Variants in ERN1 observed in about 807,000 individuals in gnomAD.
ERN1 encodes serine/threonine-protein kinase/endoribonuclease IRE1.
ERN1 carries 39 observed loss-of-function variants against 113.1 expected under a neutral mutation model. The ratio of observed to expected loss-of-function variants is 0.34; its 90% confidence interval spans 0.27 to 0.45. The LOEUF (loss-of-function observed/expected upper bound fraction) is 0.45. ERN1 is among the 20% of genes least tolerant of loss of function. The pLI is 1.00. For missense variants in ERN1, 976 were observed against 1,274.8 expected, an observed-to-expected ratio of 0.77 and a Z score of 3.57; for synonymous variants, 507 against 515.9, an observed-to-expected ratio of 0.98 and a Z score of 0.23.
Position 64,044,869 on chromosome 17 carries a change from C to T in ERN1, c.2712G>A (p.Met904Ile). 6.3e-7 allele frequency: 1 copy of T among 1,586,552 alleles called. No individual in the cohort carries two copies. Among genetic ancestry groups the T allele is most frequent in the African/African-American group, 1.3e-5 (1 of 74,650 alleles). ...GGSVRDLLRAMRNKKHHYREL... is the reference protein window; with the variant it reads ...GGSVRDLLRAIRNKKHHYREL... ...TTTACAAACTGCTTACCTTATTTCT[C>T]ATGGCTCGGAGGAGATCTCTGACAG... Residue 904 changes from methionine (M) to isoleucine (I), a missense_variant, in exon 21 of 22, where the codon ATG becomes ATA. Transcript: ENST00000433197. The surrounding 1 kb of genome is among the most constrained non-coding windows in gnomAD (Gnocchi z 4.1).
intron 1 of ERN1, among the ~76,000 whole-genome samples, chr17:64,118,860 G>C (rs1289417743): frequency 6.6e-6 from 1 of 152,158 alleles, no homozygotes; most frequent in African/African-American, 2.4e-5. Flanking sequence ...AAGGGGAAGG[G>C]AGTGTCACAG....
chr17:64,084,665 T>C (rs1286717555), intron 2 of ERN1, among the ~76,000 whole-genome samples: 1 of 152,238 alleles, frequency 6.6e-6, no homozygotes, highest in Non-Finnish European at 1.5e-5. Flanking sequence ...TAAGCTTCTC[T>C]GTGACTCAAA....
In ERN1 at chr17:64,103,602, C is replaced by T. The variant is rs536683180; in HGVS notation, c.55-5361G>A. 2.0e-5 allele frequency among the ~76,000 whole-genome samples: 3 copies of T among 151,988 alleles called. No individual in the cohort carries two copies. In the South Asian group the frequency reaches 6.2e-4, roughly 32 times the overall value. On this transcript the variant is annotated intron_variant, in intron 1 of 21. Transcript: ENST00000433197. ...ACTACAAAGATACAGAAGTGGCTAT[C>T]AACTGCTTATGCAGAGATGATTGAA...
intron 1 of ERN1, among the ~76,000 whole-genome samples, chr17:64,100,456 G>A (rs534288787): frequency 1.3e-5 from 2 of 152,302 alleles, no homozygotes; most frequent in Non-Finnish European, 2.9e-5. Flanking sequence ...ACAAGAAAGT[G>A]AGTTAAACTC....
At position 64,054,861 on chromosome 17, in the gene ERN1, A is replaced by C; in HGVS notation, c.1673-33T>G. 6.7e-7 allele frequency: 1 copy of C among 1,482,770 alleles called. No individual in the cohort carries two copies. Among genetic ancestry groups the C allele is most frequent in the African/African-American group, 1.4e-5 (1 of 72,396 alleles). The allele number at this position is 1,482,770 out of a possible 1,614,324, so 91.9% of individuals were successfully genotyped here. ...AAAATAGGAAAAAGAGATTGTTTCA[A>C]ACAGATATCACCTAAAGAACCTTGA... On this transcript the variant is annotated intron_variant, in intron 13 of 21. Transcript: ENST00000433197. The surrounding 1 kb of genome is among the most constrained non-coding windows in gnomAD (Gnocchi z 4.9).
intron 1 of ERN1, among the ~76,000 whole-genome samples, chr17:64,118,249 C>A (rs1281441198): frequency 6.6e-6 from 1 of 152,076 alleles, no homozygotes. Flanking sequence ...ACTCATTTGC[C>A]CAAAGTTGCA....
At chr17:64,053,212 C>T in intron 16 of ERN1, 60 bp downstream of exon 16, 1 of 1,421,508 alleles carries the variant, frequency 7.0e-7, no homozygotes, top group Admixed American at 2.0e-5. Flanking sequence ...TGGTTAGCCC[C>T]ACCTGGGCCA....
intron 2 of ERN1, among the ~76,000 whole-genome samples, chr17:64,090,081 C>A (rs1003204761): frequency 1.3e-5 from 2 of 152,176 alleles, no homozygotes; most frequent in African/African-American, 4.8e-5. Context: ...CTTCATTAAC[C>A]TAAGCCATAA....
At chr17:64,095,763 T>C (rs1598076447) in intron 2 of ERN1, among the ~76,000 whole-genome samples, 1 of 152,090 alleles carries the variant, frequency 6.6e-6, no homozygotes, top group East Asian at 1.9e-4. Flanking sequence ...CTTGTAATCC[T>C]CCCTCCCTCT....
rs1364509232 is a variant in ERN1, at chr17:64,080,813, G to A, written c.176-5C>T. The A allele has an allele frequency of 3.1e-6, 5 of 1,609,228 alleles. No individual in the cohort carries two copies. The African/African-American group carries it at 4.0e-5, about 13-fold the overall frequency. ...TTGGGACCTGCAGGACTGGATCTGT[G>A]CAAAAGAACAACAAAGCCATCATCA... On this transcript the variant is annotated splice_region_variant and splice_polypyrimidine_tract_variant and intron_variant, in intron 2 of 21. Coordinates refer to ENST00000433197, the MANE Select transcript of ERN1 (RefSeq NM_001433.5).
intron 1 of ERN1, among the ~76,000 whole-genome samples, chr17:64,125,396 C>A (rs1184497645): frequency 6.6e-6 from 1 of 152,184 alleles, no homozygotes; most frequent in Non-Finnish European, 1.5e-5. Flanking sequence ...AGATGACTGG[C>A]AGGCAAAGCT....
chr17:64,100,786 A>T (rs1914364120), intron 1 of ERN1, among the ~76,000 whole-genome samples: 2 of 152,108 alleles, frequency 1.3e-5, no homozygotes, highest in South Asian at 4.1e-4. Context: ...TGTCTCAATA[A>T]ATAAATAAAT....
intron 12 of ERN1, among the ~76,000 whole-genome samples, chr17:64,057,248 T>C (rs1421555463): frequency 6.6e-6 from 1 of 152,268 alleles, no homozygotes; most frequent in Non-Finnish European, 1.5e-5. Context: ...GCAAGGCTTA[T>C]AAATCAGCTC....
chr17:64,079,152 C>G (rs1443724619), intron 4 of ERN1, among the ~76,000 whole-genome samples: 1 of 152,092 alleles, frequency 6.6e-6, no homozygotes, highest in African/African-American at 2.4e-5. Flanking sequence ...AAATCGGGAC[C>G]TTCTGGGATT....
intron 2 of ERN1, among the ~76,000 whole-genome samples, chr17:64,093,207 A>T (rs1914136690): frequency 6.6e-6 from 1 of 152,156 alleles, no homozygotes; most frequent in South Asian, 2.1e-4. Flanking sequence ...AGCCGAATGG[A>T]GTTGCAGGCC....
intron 1 of ERN1, chr17:64,103,089 C>T: frequency 5.9e-6 from 2 of 340,528 alleles, no homozygotes; most frequent in Non-Finnish European, 8.3e-6. Flanking sequence ...TGGGCTTCAG[C>T]AGTATAAGGG....
intron 2 of ERN1, 134 bp from the exon 3 acceptor site, chr17:64,080,942 C>A: frequency 1.4e-6 from 1 of 737,112 alleles, no homozygotes; most frequent in Non-Finnish European, 2.3e-6. Flanking sequence ...GGCTAGTGCA[C>A]GTGAAGGTTA....
intron 1 of ERN1, among the ~76,000 whole-genome samples, chr17:64,123,752 T>G (rs1260879260): frequency 6.6e-6 from 1 of 151,824 alleles, no homozygotes; most frequent in Non-Finnish European, 1.5e-5. Flanking sequence ...ATAATTTTTA[T>G]AATGAAAATA....
intron 6 of ERN1, 128 bp from the exon 7 acceptor site, chr17:64,068,419 T>C (rs1289040749): frequency 7.5e-6 from 5 of 663,942 alleles, no homozygotes; most frequent in Non-Finnish European, 1.4e-5. Context: ...AGACTATCCA[T>C]GTCGATAGAG....
Sources: gnomAD v4.1 joint callset for allele counts (sites outside exome capture counted in the v4.1 genomes callset) on GRCh38, gnomAD v4.1.1 for gene constraint, Gnocchi (gnomAD v3.1) non-coding constraint, MANE v1.5 for transcripts, NCBI Gene and HGNC (gene_info 2026-07-23, HGNC 2026-07-21) for gene names.